Variants in GALNT1 observed in about 807,000 individuals in gnomAD.
The protein encoded by GALNT1 is GalNAc transferase 1.
In GALNT1, 17 loss-of-function variants were observed where a neutral mutation model predicts 65.7. The ratio of observed to expected loss-of-function variants is 0.26; its 90% CI spans 0.18 to 0.39. The LOEUF (loss-of-function observed/expected upper bound fraction) is 0.39. Ranked by LOEUF, GALNT1 falls within the 10% of genes least tolerant of loss-of-function variation. GALNT1 has a pLI of 1.00. For missense variants in GALNT1, 460 were observed against 672.8 expected (o/e 0.68, Z 3.50); for synonymous variants, 210 against 219.7 (o/e 0.96, Z 0.39).
At chr18:35,622,879 C>A (rs1295082796) in intron 1 of GALNT1, among the ~76,000 whole-genome samples, 1 of 151,832 alleles carries the variant, frequency 6.6e-6, no homozygotes, top group African/African-American at 2.4e-5. Flanking sequence ...TTAGGTTAAC[C>A]AAATTCTTAT....
chr18:35,613,972 C>T (rs1227597379), intron 1 of GALNT1, among the ~76,000 whole-genome samples: 2 of 152,100 alleles, frequency 1.3e-5, no homozygotes, highest in African/African-American at 4.8e-5. Context: ...TACAGGAACA[C>T]AGGCCTCAGA....
chr18:35,594,991 G>A (rs988923875), intron 1 of GALNT1, among the ~76,000 whole-genome samples: 1 of 152,012 alleles, frequency 6.6e-6, no homozygotes, highest in Non-Finnish European at 1.5e-5. Flanking sequence ...GGAGGAAGAT[G>A]GTAACTCTAG....
chr18:35,643,300 G>A (rs1000780212), intron 1 of GALNT1, among the ~76,000 whole-genome samples: 1 of 152,080 alleles, frequency 6.6e-6, no homozygotes, highest in African/African-American at 2.4e-5. Flanking sequence ...GGGAAGAGGG[G>A]TTAGAAATGT....
chr18:35,607,754 A>G (rs1598782810), intron 1 of GALNT1, among the ~76,000 whole-genome samples: 2 of 152,322 alleles, frequency 1.3e-5, no homozygotes, highest in South Asian at 4.1e-4. Context: ...AAGAACGGTC[A>G]TGCTACAGTC....
intron 2 of GALNT1, among the ~76,000 whole-genome samples, chr18:35,655,877 A>G (rs1375965245): frequency 6.6e-6 from 1 of 152,228 alleles, no homozygotes; most frequent in Non-Finnish European, 1.5e-5. Flanking sequence ...AGTTGCTAGC[A>G]CTGAATTCCA....
At chr18:35,690,626 T>A (rs2144655782) in intron 7 of GALNT1, among the ~76,000 whole-genome samples, 1 of 152,322 alleles carries the variant, frequency 6.6e-6, no homozygotes, top group African/African-American at 2.4e-5. Context: ...ATGTTTTCTT[T>A]ATTTTAATCT....
At chr18:35,696,494 A>C (rs1407363595) in intron 9 of GALNT1, among the ~76,000 whole-genome samples, 2 of 152,260 alleles carry the variant, frequency 1.3e-5, no homozygotes, top group African/African-American at 4.8e-5. Flanking sequence ...GGTATCTGAT[A>C]GTTGTTAACT....
intron 1 of GALNT1, among the ~76,000 whole-genome samples, chr18:35,653,855 C>T (rs2047341907): frequency 6.6e-6 from 1 of 152,148 alleles, no homozygotes; most frequent in African/African-American, 2.4e-5. Context: ...TTGTCAGAGC[C>T]AAGACTAAAT....
At chr18:35,633,505 G>A (rs1319444548) in intron 1 of GALNT1, among the ~76,000 whole-genome samples, 1 of 148,982 alleles carries the variant, frequency 6.7e-6, no homozygotes, top group Non-Finnish European at 1.5e-5. Context: ...GAGAACACTT[G>A]GACACAGGAA....
intron 1 of GALNT1, among the ~76,000 whole-genome samples, chr18:35,588,838 A>G (rs886791253): frequency 3.3e-5 from 5 of 152,102 alleles, no homozygotes; most frequent in African/African-American, 1.2e-4. Context: ...TTATTGAAGC[A>G]TGTCTATCAC....
chr18:35,662,810 G>T (rs918457333), intron 2 of GALNT1, among the ~76,000 whole-genome samples: 3 of 151,998 alleles, frequency 2.0e-5, no homozygotes, highest in Non-Finnish European at 2.9e-5. Context: ...GTTTTTCTTG[G>T]ACATTTATTA....
intron 5 of GALNT1, among the ~76,000 whole-genome samples, chr18:35,685,253 A>AT (rs1028389796): frequency 4.1e-4 from 63 of 152,314 alleles, no homozygotes; most frequent in African/African-American, 1.5e-3. Context: ...TGTAAAAAAC[A>AT]TATCATGATA....
At chr18:35,648,341 A>T (rs2047264049) in intron 1 of GALNT1, among the ~76,000 whole-genome samples, 1 of 152,194 alleles carries the variant, frequency 6.6e-6, no homozygotes, top group South Asian at 2.1e-4. Flanking sequence ...CTATATGCTA[A>T]TGCAAGTGTT....
intron 2 of GALNT1, among the ~76,000 whole-genome samples, chr18:35,655,092 G>A (rs1362443263): frequency 6.6e-6 from 1 of 151,980 alleles, no homozygotes; most frequent in Non-Finnish European, 1.5e-5. Flanking sequence ...CTCATAGTTG[G>A]GATATCAAAA....
At chr18:35,684,175 A>G (rs1271994890) in intron 5 of GALNT1, among the ~76,000 whole-genome samples, 5 of 152,176 alleles carry the variant, frequency 3.3e-5, no homozygotes, top group Admixed American at 6.5e-5. Flanking sequence ...AGAGAACCTG[A>G]CTTCAGTCTG....
chr18:35,682,599 C>T (rs893953255), intron 4 of GALNT1, among the ~76,000 whole-genome samples: 3 of 152,046 alleles, frequency 2.0e-5, no homozygotes, highest in Non-Finnish European at 2.9e-5. Context: ...GAGGAAGTTG[C>T]ACCTTTTCTG....
At chr18:35,628,659 C>T (rs1163091008) in intron 1 of GALNT1, among the ~76,000 whole-genome samples, 5 of 152,116 alleles carry the variant, frequency 3.3e-5, no homozygotes, top group Admixed American at 3.3e-4. Flanking sequence ...AATCAGAGCA[C>T]CTCTCCTCCT....
intron 1 of GALNT1, among the ~76,000 whole-genome samples, chr18:35,603,401 C>G (rs1191938947): frequency 1.3e-5 from 2 of 152,036 alleles, no homozygotes; most frequent in East Asian, 1.9e-4. Flanking sequence ...GCCTCAGATT[C>G]AAGTTCTGGG....
intron 1 of GALNT1, among the ~76,000 whole-genome samples, chr18:35,594,418 A>G (rs2046480815): frequency 6.6e-6 from 1 of 152,030 alleles, no homozygotes; most frequent in African/African-American, 2.4e-5. Context: ...GCACAAGGGA[A>G]GGTAGAGGGT....
Sources: gnomAD v4.1 joint callset for allele counts (sites outside exome capture counted in the v4.1 genomes callset) on GRCh38, gnomAD v4.1.1 for gene constraint, MANE v1.5 for transcripts, NCBI Gene and HGNC (gene_info 2026-07-23, HGNC 2026-07-21) for gene names.